Variants in ADAM9 observed in about 807,000 individuals in gnomAD.
The protein encoded by ADAM9 is ADAM metallopeptidase domain 9.
A neutral mutation model predicts 108.1 loss-of-function variants in ADAM9; 54 were observed. The ratio of observed to expected loss-of-function variants is 0.50; its 90% CI spans 0.40 to 0.63. ADAM9 has a LOEUF of 0.63. Ranked by LOEUF, ADAM9 falls within the 20% of genes least tolerant of loss-of-function variation. The pLI, the probability that ADAM9 is intolerant of heterozygous loss-of-function variation, is 0.00. For missense variants in ADAM9, 830 were observed against 997.7 expected (o/e 0.83, Z 2.26); for synonymous variants, 316 against 336.0 (o/e 0.94, Z 0.65).
chr8:39,046,766 A>G (rs577564639), intron 12 of ADAM9, among the ~76,000 whole-genome samples: 54 of 151,256 alleles, frequency 3.6e-4, no homozygotes, highest in Non-Finnish European at 6.5e-4. Context: ...TCATTATTTA[A>G]TTAATTAAAT....
chr8:39,076,858 C>T (rs1838864124), intron 15 of ADAM9, among the ~76,000 whole-genome samples: 1 of 152,094 alleles, frequency 6.6e-6, no homozygotes, highest in Non-Finnish European at 1.5e-5. Flanking sequence ...TGTAAGAAGA[C>T]ATAATTGAAT....
chr8:39,089,993 A>G (rs1021224522), intron 18 of ADAM9, 54 bp from the exon 19 acceptor site: 44 of 1,552,946 alleles, frequency 2.8e-5, no homozygotes, highest in Non-Finnish European at 3.9e-5. Flanking sequence ...ATCATCTAGT[A>G]TTTTCTGCCT....
At chr8:39,017,083 TA>T in intron 5 of ADAM9, 135 bp from the exon 6 acceptor site, 2 of 941,430 alleles carry the variant, frequency 2.1e-6, no homozygotes, top group Non-Finnish European at 3.3e-6. Flanking sequence ...TGTCTGATTC[TA>T]AAGCCTCTAT....
intron 14 of ADAM9, among the ~76,000 whole-genome samples, chr8:39,070,176 T>C (rs996064503): frequency 2.1e-5 from 3 of 141,908 alleles, no homozygotes; most frequent in African/African-American, 7.7e-5. Context: ...AAAAAAAAGC[T>C]AAAATGTAAC....
chr8:39,046,761 A>G (rs912033070), intron 12 of ADAM9, among the ~76,000 whole-genome samples: 1 of 151,434 alleles, frequency 6.6e-6, no homozygotes, highest in Non-Finnish European at 1.5e-5. Context: ...ATATCTCATT[A>G]TTTAATTAAT....
At chr8:39,066,762 C>T (rs1375265667) in intron 14 of ADAM9, among the ~76,000 whole-genome samples, 5 of 152,084 alleles carry the variant, frequency 3.3e-5, no homozygotes, top group Admixed American at 1.3e-4. Context: ...TTAATTAGAT[C>T]CTATTTGTCA....
chr8:39,084,008 T>G (rs1434304542), intron 18 of ADAM9, among the ~76,000 whole-genome samples: 1 of 152,216 alleles, frequency 6.6e-6, no homozygotes, highest in Non-Finnish European at 1.5e-5. Context: ...TGTCAGTCTT[T>G]TTAATTTTTA....
At chr8:39,014,286 A>C (rs1564238043) in intron 4 of ADAM9, 4 of 567,478 alleles carry the variant, frequency 7.0e-6, no homozygotes, top group Non-Finnish European at 1.2e-5. Flanking sequence ...TAAATCTTCT[A>C]TTTAATGGTA....
chr8:39,021,084 A>G (rs1350580779), intron 7 of ADAM9, among the ~76,000 whole-genome samples: 1 of 152,174 alleles, frequency 6.6e-6, no homozygotes, highest in Non-Finnish European at 1.5e-5. Flanking sequence ...TTAAAGTTCT[A>G]CTAATTTGGA....
intron 17 of ADAM9, 21 bp from the exon 18 acceptor site, chr8:39,082,947 G>A: frequency 1.3e-6 from 2 of 1,588,298 alleles, no homozygotes; most frequent in Non-Finnish European, 1.7e-6. Context: ...TAACAAAAGT[G>A]GTATTTTGAT....
In ADAM9 at chr8:39,014,024, C is replaced by G. The variant is rs1836443998; in HGVS notation, c.314C>G (p.Thr105Ser). 2 of 1,612,952 alleles carry G rather than the reference C, an allele frequency of 1.2e-6. No individual in the cohort carries two copies. Among genetic ancestry groups the G allele is most frequent in the South Asian group, 2.2e-5 (2 of 91,062 alleles). The change falls in exon 4 of 22, where the codon ACT becomes AGT. Residue 105 changes from threonine to serine, a missense_variant. Around this residue, in one of 3 missense-constraint regions of ADAM9, gnomAD observed 211 missense variants for 222.2 expected, o/e 0.95. Coordinates refer to ENST00000487273, the MANE Select transcript of ADAM9 (RefSeq NM_003816.3). ...YTYNKEGTLI[T>S]DHPNIQNHCH... ...TACAACAAGGAAGGGACTTTAATCACTGACCATCCCAATATACAGGTAATG... is the reference window on the plus strand; with the variant it reads ...TACAACAAGGAAGGGACTTTAATCAGTGACCATCCCAATATACAGGTAATG...
chr8:39,102,240 C>T (rs989343956), intron 21 of ADAM9, among the ~76,000 whole-genome samples: 1 of 152,088 alleles, frequency 6.6e-6, no homozygotes, highest in South Asian at 2.1e-4. Context: ...GTTGGAACAG[C>T]CTTCCCGTCA....
Position 39,003,888 on chromosome 8 carries a change from C to T in ADAM9, c.98-3998C>T, listed in dbSNP as rs1210413294. ...AATGGAAAAGAAGGAAAAAAAGTTACGTATAATCTTCCTATATTTAGCTTT... is the reference window on the plus strand; with the variant it reads ...AATGGAAAAGAAGGAAAAAAAGTTATGTATAATCTTCCTATATTTAGCTTT... On this transcript the variant is annotated intron_variant, in intron 1 of 21. Coordinates refer to ENST00000487273, the MANE Select transcript of ADAM9 (RefSeq NM_003816.3). Among the ~76,000 whole-genome samples the T allele has an allele frequency of 5.9e-5, 9 of 151,932 alleles. No homozygotes were observed. In the East Asian group the frequency reaches 1.2e-3, roughly 20 times the overall value.
At chr8:38,999,131 G>A (rs1835920562) in intron 1 of ADAM9, among the ~76,000 whole-genome samples, 1 of 152,122 alleles carries the variant, frequency 6.6e-6, no homozygotes, top group Non-Finnish European at 1.5e-5. Context: ...AAAATCAGCT[G>A]ACCACATTTT....
chr8:39,079,088 C>A (rs2129442033), intron 16 of ADAM9, among the ~76,000 whole-genome samples: 1 of 152,272 alleles, frequency 6.6e-6, no homozygotes, highest in East Asian at 1.9e-4. Flanking sequence ...AAGCATGTAA[C>A]ATGACTTAAG....
chr8:39,044,643 T>C (rs2129436590), intron 12 of ADAM9, among the ~76,000 whole-genome samples: 1 of 151,002 alleles, frequency 6.6e-6, no homozygotes, highest in South Asian at 2.1e-4. Context: ...TCTCCTCTTT[T>C]GGAGTTACCC....
rs1288401067 is a variant in ADAM9 at position 39,007,923 on chromosome 8, T to G, written c.135T>G (p.Ile45Met). 6.2e-7 allele frequency: 1 copy of G among 1,612,350 alleles called. No individual in the cohort carries two copies. The highest frequency in any genetic ancestry group is 1.3e-5 in the African/African-American group (1 of 74,900). ...QQTSHLSSYE[I>M]ITPWRLTRER... ...CCTCACATCTTTCTTCTTATGAAAT[T>G]ATAACTCCTTGGAGATTAACTAGAG... The change falls in exon 2 of 22, where the codon ATT becomes ATG. Residue 45 changes from isoleucine to methionine, a missense_variant. Ile to Met is a conservative substitution (Grantham distance 10). Coordinates refer to ENST00000487273, the MANE Select transcript of ADAM9 (RefSeq NM_003816.3).
At chr8:39,035,603 G>A (rs1249218954) in intron 11 of ADAM9, among the ~76,000 whole-genome samples, 1 of 152,148 alleles carries the variant, frequency 6.6e-6, no homozygotes, top group African/African-American at 2.4e-5. Context: ...TGGATCACGA[G>A]GTCAGGAGAT....
chr8:39,060,531 C>T (rs561840060), intron 14 of ADAM9, among the ~76,000 whole-genome samples: 1 of 152,280 alleles, frequency 6.6e-6, no homozygotes, highest in South Asian at 2.1e-4. Flanking sequence ...TGGGAGTGGC[C>T]AGATGCAACT....
Sources: gnomAD v4.1 joint callset for allele counts (sites outside exome capture counted in the v4.1 genomes callset) on GRCh38, gnomAD v4.1.1 for gene constraint, gnomAD v4.1.1 regional missense constraint, MANE v1.5 for transcripts, NCBI Gene and HGNC (gene_info 2026-07-23, HGNC 2026-07-21) for gene names.